The following ANKRD17 variants were observed in gnomAD, a reference collection of about 807,000 sequenced individuals.
ANKRD17 encodes the protein ankyrin repeat domain 17.
In ANKRD17, 19 loss-of-function variants were observed where a neutral mutation model predicts 229.7. That is an observed-to-expected ratio of 0.08 (90% CI 0.06 to 0.12). The LOEUF is 0.12. Among genes scored for constraint, ANKRD17 ranks in the 10% least tolerant of loss-of-function variants. The pLI is 1.00. For synonymous variants in ANKRD17, 1,112 were observed against 1,146.1 expected, an observed-to-expected ratio of 0.97 and a Z score of 0.60; for missense variants, 2,176 against 3,176.8, an observed-to-expected ratio of 0.68 and a Z score of 7.57.
chr4:73,221,241 T>C (rs1479226707), intron 1 of ANKRD17, among the ~76,000 whole-genome samples: 1 of 152,094 alleles, frequency 6.6e-6, no homozygotes, highest in Non-Finnish European at 1.5e-5. Context: ...TTAGGAAAAC[T>C]AAAATTGCAG....
chr4:73,215,904 A>G (rs1183136368), intron 1 of ANKRD17, among the ~76,000 whole-genome samples: 1 of 152,182 alleles, frequency 6.6e-6, no homozygotes, highest in Admixed American at 6.5e-5. Flanking sequence ...AATAGACTGA[A>G]TATGACAGCA....
In ANKRD17 at chr4:73,144,707, A is replaced by G. The variant is rs369414741; in HGVS notation, c.1957+38T>C. On this transcript the variant is annotated intron_variant, in intron 11 of 33. Transcript: ENST00000358602. Reference sequence around the variant, plus strand: ...TCTCTAAATGAAGGCAGGGGTAGATACCTTTCAAAAAAAGACAACTGTTTT... The same window carrying G: ...TCTCTAAATGAAGGCAGGGGTAGATGCCTTTCAAAAAAAGACAACTGTTTT... 56 of 1,424,692 alleles carry G rather than the reference A, an allele frequency of 3.9e-5. No individual in the cohort carries two copies. The African/African-American group carries it at 7.8e-4, about 20-fold the overall frequency. 88.3% of individuals were successfully genotyped at this position (1,424,692 alleles called of 1,614,324 possible). A position where few individuals can be genotyped will look rare whatever the true frequency, so the allele number is the denominator to read the frequency against.
chr4:73,108,896 T>C (rs922791356), intron 24 of ANKRD17, among the ~76,000 whole-genome samples: 3 of 152,108 alleles, frequency 2.0e-5, no homozygotes, highest in Admixed American at 6.5e-5. Flanking sequence ...ATGAGAATGA[T>C]TCAAGAGAGG....
intron 1 of ANKRD17, among the ~76,000 whole-genome samples, chr4:73,254,860 G>C (rs1394459421): frequency 6.6e-6 from 1 of 151,854 alleles, no homozygotes; most frequent in Non-Finnish European, 1.5e-5. Context: ...CTAAAATAAA[G>C]TATCAACTCT....
intron 1 of ANKRD17, among the ~76,000 whole-genome samples, chr4:73,235,221 G>C (rs1743394367): frequency 6.6e-6 from 1 of 152,096 alleles, no homozygotes; most frequent in Admixed American, 6.6e-5. Context: ...GTCACCACAG[G>C]AGTGGCCACT....
chr4:73,159,589 T>C (rs376694708), intron 3 of ANKRD17, among the ~76,000 whole-genome samples: 5 of 151,942 alleles, frequency 3.3e-5, no homozygotes, highest in African/African-American at 1.2e-4. Flanking sequence ...ATATGTTCTA[T>C]TTTTTTTGCT....
chr4:73,144,178 G>A (rs1043734639), intron 11 of ANKRD17, among the ~76,000 whole-genome samples: 1 of 152,134 alleles, frequency 6.6e-6, no homozygotes, highest in Non-Finnish European at 1.5e-5. Flanking sequence ...TTTAAAGAAA[G>A]TAATAATATA....
chr4:73,142,654 T>C lies in ANKRD17; in HGVS notation c.2071A>G (p.Thr691Ala), dbSNP rs1729762165. 1.2e-6 allele frequency: 2 copies of C among 1,613,782 alleles called. No homozygotes were observed. The highest frequency in any genetic ancestry group is 1.1e-5 in the South Asian group (1 of 91,080). The change falls in exon 12 of 34, where the codon ACT (threonine) becomes GCT (alanine). Residue 691 changes from threonine (T) to alanine (A), a missense_variant. This residue lies in a region of ANKRD17 where 275 missense variants were observed against 386.9 expected (regional missense o/e 0.71). Transcript: ENST00000358602. Reference sequence around the variant, plus strand: ...GAGTTACATACTTTCAAACGGTGAGTAGGATCTGCCCCATGAGCCAAAAGT... The same window carrying C: ...GAGTTACATACTTTCAAACGGTGAGCAGGATCTGCCCCATGAGCCAAAAGT... Reference protein sequence around the residue: ...ELLLAHGADPTHRLKDGSTML... With the variant: ...ELLLAHGADPAHRLKDGSTML...
intron 15 of ANKRD17, among the ~76,000 whole-genome samples, chr4:73,138,539 A>C (rs1729201266): frequency 6.6e-6 from 1 of 152,172 alleles, no homozygotes; most frequent in African/African-American, 2.4e-5. Flanking sequence ...ATCATATTTA[A>C]TGCTACTGAA....
chr4:73,081,531 A>G (rs1721561972), intron 30 of ANKRD17, among the ~76,000 whole-genome samples: 1 of 152,214 alleles, frequency 6.6e-6, no homozygotes, highest in African/African-American at 2.4e-5. Context: ...TATTATAATT[A>G]CTTCAATTAG....
intron 1 of ANKRD17, among the ~76,000 whole-genome samples, chr4:73,234,366 G>T (rs2149247494): frequency 6.6e-6 from 1 of 152,220 alleles, no homozygotes; most frequent in Non-Finnish European, 1.5e-5. Context: ...ATTACACTTT[G>T]AAGTATTCTT....
At position 73,078,843 on chromosome 4, in the gene ANKRD17, C is replaced by A. The variant is rs1454789390; in HGVS notation, c.7207G>T (p.Ala2403Ser). The change falls in exon 31 of 34, where the codon GCC (alanine) becomes TCC (serine). Residue 2403 changes from alanine (A) to serine (S), a missense_variant. By Grantham distance (99) the Ala-to-Ser change is moderately conservative (BLOSUM62 1). Transcript: ENST00000358602. ...VSSGVRAPSP[A>S]PSSVPLGSEK... ...GACCCTAACGGTACTGATGATGGGG[C>A]AGGAGATGGTGCACGAACTCCCGAG... The A allele has an allele frequency of 6.2e-7, 1 of 1,614,006 alleles. No homozygotes were observed. The highest frequency in any genetic ancestry group is 1.3e-5 in the African/African-American group (1 of 74,912).
intron 22 of ANKRD17, among the ~76,000 whole-genome samples, chr4:73,117,622 C>T (rs111679448): frequency 3.7e-4 from 57 of 152,080 alleles, no homozygotes; most frequent in East Asian, 1.2e-3. Flanking sequence ...TAAAGAACAG[C>T]GGTCAGAGAT....
chr4:73,136,110 T>G (rs950663382), intron 15 of ANKRD17, among the ~76,000 whole-genome samples: 9 of 152,172 alleles, frequency 5.9e-5, no homozygotes, highest in African/African-American at 2.2e-4. Context: ...CCAAATATGC[T>G]GGCATAGGAT....
At chr4:73,111,053 TA>T (rs1725255107) in intron 24 of ANKRD17, among the ~76,000 whole-genome samples, 1 of 152,208 alleles carries the variant, frequency 6.6e-6, no homozygotes, top group African/African-American at 2.4e-5. Context: ...AAGTATCTAC[TA>T]AATTAAAAAT....
intron 1 of ANKRD17, among the ~76,000 whole-genome samples, chr4:73,235,615 T>A (rs773103986): frequency 1.1e-4 from 16 of 152,364 alleles, no homozygotes; most frequent in East Asian, 1.9e-4. Flanking sequence ...CACCATTTTT[T>A]AAAAATTTCA....
intron 1 of ANKRD17, among the ~76,000 whole-genome samples, chr4:73,190,559 C>CAAAAAAAAA (rs1488814407): frequency 2.4e-5 from 3 of 126,638 alleles, no homozygotes; most frequent in Admixed American, 7.7e-5. Flanking sequence ...AAAAAAAAAA[C>CAAAAAAAAA]AAAACAAAAA....
chr4:73,097,939 GAA>G (rs1440282728), intron 26 of ANKRD17, 132 bp downstream of exon 26: 2 of 683,300 alleles, frequency 2.9e-6, no homozygotes, highest in African/African-American at 3.7e-5. Flanking sequence ...CAATTCAATT[GAA>G]ACAGTACCTT....
intron 1 of ANKRD17, among the ~76,000 whole-genome samples, chr4:73,179,488 G>GTATA (rs1169079744): frequency 0.014 from 673 of 48,098 alleles, 33 homozygotes; most frequent in Middle Eastern, 0.075. Flanking sequence ...GTGTGTGTGT[G>GTATA]TATATATATA....
Sources: gnomAD v4.1 joint callset for allele counts (sites outside exome capture counted in the v4.1 genomes callset) on GRCh38, gnomAD v4.1.1 for gene constraint, gnomAD v4.1.1 regional missense constraint, MANE v1.5 for transcripts, NCBI Gene and HGNC (gene_info 2026-07-23, HGNC 2026-07-21) for gene names.